The following DMXL2 variants were observed in gnomAD, a reference collection of about 807,000 sequenced individuals.
The protein encoded by DMXL2 is Dmx like 2, also known as dmX-like protein 2.
Under a neutral mutation model 331.1 loss-of-function variants are expected in DMXL2, and 103 were observed. The observed-to-expected ratio is 0.31, with a 90% CI of 0.27 to 0.37. The LOEUF (loss-of-function observed/expected upper bound fraction) is 0.37, where lower values mean the gene tolerates loss of function less well. DMXL2 is among the 10% of genes least tolerant of loss of function. DMXL2 has a pLI of 1.00. For synonymous variants in DMXL2, 1,281 were observed against 1,252.1 expected, an observed-to-expected ratio of 1.02 and a Z score of -0.49; for missense variants, 3,171 against 3,642.9, an observed-to-expected ratio of 0.87 and a Z score of 3.33.
rs1274527882 is a variant in DMXL2 at position 51,480,702 on chromosome 15, T to G, written c.6404A>C (p.Gln2135Pro). 2 of 1,610,170 alleles carry G rather than the reference T, an allele frequency of 1.2e-6. No homozygotes were observed. Among genetic ancestry groups the G allele is most frequent in the Non-Finnish European group, 1.7e-6 (2 of 1,177,766 alleles). Residue 2135 changes from glutamine (Q) to proline (P), a missense_variant, in exon 24 of 44, where the codon CAG becomes CCG. Around this residue, in one of 7 missense-constraint regions of DMXL2, gnomAD observed 197 missense variants for 196.2 expected, o/e 1.00. Transcript: ENST00000560891. ...ERHQIERRRLQAKREHAERRK... is the reference protein window; with the variant it reads ...ERHQIERRRLPAKREHAERRK... ...TCTTTCTGCATGCTCTCGTTTGGCC[T>G]GCAATCTTCTTCTTTCTATTTGATG...
intron 6 of DMXL2, among the ~76,000 whole-genome samples, chr15:51,556,212 G>A (rs996912278): frequency 2.6e-5 from 4 of 151,746 alleles, no homozygotes; most frequent in East Asian, 1.9e-4. Context: ...GCGTGGTGGC[G>A]GGCGCCTGTA....
chr15:51,547,278 CG>C lies in DMXL2; in HGVS notation c.697del (p.Arg233GlufsTer3). On this transcript the variant is annotated frameshift_variant, in exon 7 of 44. Coordinates refer to ENST00000560891, the MANE Select transcript of DMXL2 (RefSeq NM_001378457.1). LOFTEE classifies it high-confidence loss of function. ...QFSFVYLAHP[R>X]AVTGFSWRKT... ...GCGCCACGAAAAACCTGTCACAGCTCGGGGATGTGCCAAGTAAACAAAAGAA... is the reference window on the plus strand; with the variant it reads ...GCGCCACGAAAAACCTGTCACAGCTCGGGATGTGCCAAGTAAACAAAAGAA... 1 of 1,612,602 alleles carries C rather than the reference CG, an allele frequency of 6.2e-7. No homozygotes were observed.
rs571671315 is a variant in DMXL2, at chr15:51,530,937, T to C, written c.2436+4726A>G. 1.4e-3 allele frequency among the ~76,000 whole-genome samples: 211 copies of C among 152,238 alleles called. 2 individuals carry two copies. Among genetic ancestry groups the C allele is most frequent in the African/African-American group, 4.8e-3 (200 of 41,548 alleles). ...TGCTCATGGATTGGAAGAACTGATA[T>C]TGTTAAAATGTCCACACTACCCCAA... On this transcript the variant is annotated intron_variant, in intron 13 of 43. Transcript: ENST00000560891.
chr15:51,487,898 C>T, intron 22 of DMXL2, 56 bp downstream of exon 22: 3 of 1,420,224 alleles, frequency 2.1e-6, no homozygotes, highest in Non-Finnish European at 2.8e-6. Flanking sequence ...CCTCTACAAC[C>T]TTCTTAGGTT....
At chr15:51,601,306 A>AC (rs1567173403) in intron 1 of DMXL2, among the ~76,000 whole-genome samples, 1 of 151,360 alleles carries the variant, frequency 6.6e-6, no homozygotes, top group Admixed American at 6.6e-5. Flanking sequence ...AAAAAAAAAA[A>AC]ATTTGATGTT....
chr15:51,459,982 T>C, intron 33 of DMXL2: 1 of 985,026 alleles, frequency 1.0e-6, no homozygotes, highest in Non-Finnish European at 1.2e-6. Context: ...CCCATTTGTA[T>C]AAGCAGATGC....
chr15:51,591,851 G>A (rs1301870912), intron 1 of DMXL2, among the ~76,000 whole-genome samples: 1 of 152,180 alleles, frequency 6.6e-6, no homozygotes, highest in Non-Finnish European at 1.5e-5. Context: ...CTGCAGCTGA[G>A]GGTCCTGACT....
Position 51,471,411 on chromosome 15 carries a change from G to C in DMXL2, c.7214-10C>G. 1 of 1,557,514 alleles carries C rather than the reference G, an allele frequency of 6.4e-7. No individual in the cohort carries two copies. Among genetic ancestry groups the C allele is most frequent in the Non-Finnish European group, 8.7e-7 (1 of 1,150,074 alleles). On this transcript the variant is annotated splice_polypyrimidine_tract_variant and intron_variant, in intron 28 of 43. Transcript: ENST00000560891. The stretch of plus-strand genomic sequence containing the variant: ...GAAAGGACAGGAGGTGCTAAATGAA[G>C]ATAGAAGGAAAAAAAAATCTAGCAT...
At position 51,481,319 on chromosome 15, in the gene DMXL2, G is replaced by A. The variant is rs1420944600; in HGVS notation, c.5787C>T (p.His1929=). 2 of 1,614,146 alleles carry A rather than the reference G, an allele frequency of 1.2e-6. No homozygotes were observed. The highest frequency in any genetic ancestry group is 1.7e-5 in the Admixed American group (1 of 60,020). Residue 1929 remains histidine, a synonymous_variant, in exon 24 of 44, where the codon CAC becomes CAT. Coordinates refer to ENST00000560891, the MANE Select transcript of DMXL2 (RefSeq NM_001378457.1). The stretch of plus-strand genomic sequence containing the variant: ...AATGTGAAGGTACATCATCCATCCT[G>A]TGAGAAATGAAGTCAGGCTGATCTT... ...AKKDQPDFIS[H]RMDDVPSHSK...
At chr15:51,454,820 T>G (rs543949897) in intron 40 of DMXL2, among the ~76,000 whole-genome samples, 3 of 152,236 alleles carry the variant, frequency 2.0e-5, no homozygotes, top group African/African-American at 7.2e-5. Context: ...TGACAGAATT[T>G]TATCATGTGT....
intron 23 of DMXL2, among the ~76,000 whole-genome samples, chr15:51,485,699 T>C (rs557835158): frequency 1.3e-5 from 2 of 152,342 alleles, no homozygotes; most frequent in South Asian, 2.1e-4. Flanking sequence ...CTTTAAGTGC[T>C]TGTAATATCT....
At chr15:51,478,106 C>T (rs561574436) in intron 26 of DMXL2, among the ~76,000 whole-genome samples, 165 bp downstream of exon 26, 1 of 152,130 alleles carries the variant, frequency 6.6e-6, no homozygotes, top group East Asian at 1.9e-4. Context: ...TAGGTGACAA[C>T]TAAACAAATA....
intron 15 of DMXL2, among the ~76,000 whole-genome samples, chr15:51,510,038 G>T (rs898545732): frequency 5.3e-5 from 8 of 152,092 alleles, no homozygotes; most frequent in African/African-American, 1.9e-4. Context: ...AATAAACTAC[G>T]TATTAATGAA....
chr15:51,535,885 A>T, intron 12 of DMXL2, 101 bp from the exon 13 acceptor site: 1 of 1,344,618 alleles, frequency 7.4e-7, no homozygotes, highest in Non-Finnish European at 1.0e-6. Flanking sequence ...TTTAGGCTTA[A>T]CCATGGTCTA....
chr15:51,538,623 A>AT (rs752091345), intron 9 of DMXL2, among the ~76,000 whole-genome samples, 171 bp from the exon 10 acceptor site: 8 of 152,346 alleles, frequency 5.3e-5, no homozygotes, highest in Admixed American at 2.6e-4. Flanking sequence ...AATCTTAAGA[A>AT]TTAATGATAG....
intron 36 of DMXL2, 24 bp downstream of exon 36, chr15:51,458,482 T>C (rs2039846192): frequency 1.9e-6 from 3 of 1,609,684 alleles, no homozygotes; most frequent in Middle Eastern, 1.7e-4. Flanking sequence ...GAAAACTATA[T>C]GTAAAAGTGA....
chr15:51,592,095 G>C (rs1036114259), intron 1 of DMXL2, among the ~76,000 whole-genome samples: 2 of 152,080 alleles, frequency 1.3e-5, no homozygotes, highest in African/African-American at 4.8e-5. Flanking sequence ...AGAGAAGAAG[G>C]CTTCAGACGA....
At chr15:51,613,415 G>A (rs183316957) in intron 1 of DMXL2, among the ~76,000 whole-genome samples, 122 of 152,244 alleles carry the variant, frequency 8.0e-4, no homozygotes, top group African/African-American at 1.9e-3. Flanking sequence ...CTGTCCCTCC[G>A]TTTAGGGTCC....
At chr15:51,593,565 C>A (rs202195602) in intron 1 of DMXL2, among the ~76,000 whole-genome samples, 1 of 152,170 alleles carries the variant, frequency 6.6e-6, no homozygotes, top group African/African-American at 2.4e-5. Context: ...CCAAGCAGAC[C>A]TAATAGACAT....
Sources: gnomAD v4.1 joint callset for allele counts (sites outside exome capture counted in the v4.1 genomes callset) on GRCh38, gnomAD v4.1.1 for gene constraint, gnomAD v4.1.1 regional missense constraint, MANE v1.5 for transcripts, NCBI Gene and HGNC (gene_info 2026-07-23, HGNC 2026-07-21) for gene names.